The following LCLAT1 variants were observed in gnomAD, a reference collection of about 807,000 sequenced individuals.
LCLAT1 encodes the protein 1-AGP acyltransferase 8.
In LCLAT1, 11 loss-of-function variants were observed where a neutral mutation model predicts 30.7. That is an observed-to-expected ratio of 0.36 (90% CI 0.23 to 0.59). The LOEUF is 0.59. LCLAT1 is among the 20% of genes least tolerant of loss of function. The pLI is 0.77. For synonymous variants in LCLAT1, 155 were observed against 151.3 expected, an observed-to-expected ratio of 1.02 and a Z score of -0.18; for missense variants, 402 against 458.6, an observed-to-expected ratio of 0.88 and a Z score of 1.13.
intron 1 of LCLAT1, among the ~76,000 whole-genome samples, chr2:30,469,870 T>C (rs889402816): frequency 3.3e-5 from 5 of 151,968 alleles, no homozygotes; most frequent in Admixed American, 3.3e-4. Flanking sequence ...TGAGATTACA[T>C]GCATGAGCCA....
intron 5 of LCLAT1, among the ~76,000 whole-genome samples, chr2:30,630,595 A>T (rs994305664): frequency 6.6e-6 from 1 of 152,256 alleles, no homozygotes; most frequent in South Asian, 2.1e-4. Context: ...TAATGCTAAT[A>T]TAAAATTTTA....
intron 1 of LCLAT1, among the ~76,000 whole-genome samples, chr2:30,460,811 G>T (rs1373003390): frequency 1.3e-5 from 2 of 152,122 alleles, no homozygotes; most frequent in Non-Finnish European, 2.9e-5. Flanking sequence ...AGATAGCAGA[G>T]CCCAGTCATC....
At chr2:30,572,966 G>A (rs959196065) in intron 5 of LCLAT1, among the ~76,000 whole-genome samples, 14 of 148,966 alleles carry the variant, frequency 9.4e-5, no homozygotes, top group Admixed American at 6.9e-4. Context: ...ATTGTGGTTC[G>A]ATCGTTTTCT....
chr2:30,485,560 TTTTG>T (rs1683524002), intron 1 of LCLAT1, among the ~76,000 whole-genome samples: 1 of 152,076 alleles, frequency 6.6e-6, no homozygotes, highest in African/African-American at 2.4e-5. Flanking sequence ...TAAGTGTTCT[TTTTG>T]TTTAAGATTT....
chr2:30,504,427 A>G (rs1389143149), intron 1 of LCLAT1, among the ~76,000 whole-genome samples: 1 of 152,172 alleles, frequency 6.6e-6, no homozygotes, highest in African/African-American at 2.4e-5. Context: ...TGGTTTTATT[A>G]GGCTCAGGAT....
At chr2:30,469,076 C>T (rs1350183277) in intron 1 of LCLAT1, among the ~76,000 whole-genome samples, 5 of 152,124 alleles carry the variant, frequency 3.3e-5, no homozygotes, top group African/African-American at 1.2e-4. Flanking sequence ...CTATTCAAGT[C>T]CTTTACTCAT....
Position 30,505,271 on chromosome 2 carries a change from C to G in LCLAT1, c.-4-20316C>G, listed in dbSNP as rs184255974. Among the ~76,000 whole-genome samples the G allele has an allele frequency of 9.9e-4, 150 of 151,798 alleles. 1 individual carries two copies. The Middle Eastern group carries it at 0.028, about 28-fold the overall frequency. ...AAACTGGGTATACCACTTGATACTC[C>G]CTCCAGCTGTGAAGGCAAGGACACC... On this transcript the variant is annotated intron_variant, in intron 1 of 5. Transcript: ENST00000379509.
At chr2:30,624,564 C>G (rs1668415396) in intron 5 of LCLAT1, among the ~76,000 whole-genome samples, 2 of 152,156 alleles carry the variant, frequency 1.3e-5, no homozygotes, top group African/African-American at 4.8e-5. Flanking sequence ...CAACATTAAA[C>G]TATCACAATC....
At chr2:30,539,192 G>A (rs1003613526) in intron 3 of LCLAT1, among the ~76,000 whole-genome samples, 8 of 146,118 alleles carry the variant, frequency 5.5e-5, no homozygotes, top group African/African-American at 1.5e-4. Flanking sequence ...CTCGTGATCC[G>A]CCCGCCTCAG....
intron 1 of LCLAT1, among the ~76,000 whole-genome samples, chr2:30,502,608 A>G (rs531853352): frequency 3.9e-4 from 59 of 152,314 alleles, no homozygotes; most frequent in South Asian, 1.0e-3. Flanking sequence ...TTTCATGTGA[A>G]TGAAATAATA....
chr2:30,504,621 A>T (rs1684567637), intron 1 of LCLAT1, among the ~76,000 whole-genome samples: 1 of 152,300 alleles, frequency 6.6e-6, no homozygotes, highest in South Asian at 2.1e-4. Context: ...TGCTTTGATT[A>T]TGGGATCATG....
At chr2:30,599,344 T>A (rs548173903) in intron 5 of LCLAT1, among the ~76,000 whole-genome samples, 16 of 152,366 alleles carry the variant, frequency 1.1e-4, no homozygotes, top group African/African-American at 3.4e-4. Context: ...GAGACTGTTA[T>A]GATTTCAGTA....
At chr2:30,537,247 G>T (rs899416403) in intron 3 of LCLAT1, among the ~76,000 whole-genome samples, 1 of 152,122 alleles carries the variant, frequency 6.6e-6, no homozygotes, top group African/African-American at 2.4e-5. Context: ...CGGGCGCGGT[G>T]GCGGGCGCCT....
In LCLAT1 at chr2:30,569,770, A is replaced by G. The variant is rs564329482; in HGVS notation, c.628+1594A>G. Among the ~76,000 whole-genome samples the G allele has an allele frequency of 3.9e-4, 60 of 152,344 alleles. No individual in the cohort carries two copies. The South Asian group carries it at 0.012, about 30-fold the overall frequency. ...TCAAAATCACATGGTATGGTAAACC[A>G]AAAATGTTATTCATATTACTTTGGT... On this transcript the variant is annotated intron_variant, in intron 5 of 5. Coordinates refer to ENST00000379509, the MANE Select transcript of LCLAT1 (RefSeq NM_001002257.3).
At chr2:30,455,502 A>G (rs1036698094) in intron 1 of LCLAT1, among the ~76,000 whole-genome samples, 2 of 152,164 alleles carry the variant, frequency 1.3e-5, no homozygotes, top group African/African-American at 4.8e-5. Flanking sequence ...TGCCTCTTCT[A>G]GCTTCTGGTG....
intron 5 of LCLAT1, among the ~76,000 whole-genome samples, chr2:30,579,543 A>G (rs1468810010): frequency 3.9e-5 from 6 of 152,130 alleles, no homozygotes; most frequent in African/African-American, 1.4e-4. Flanking sequence ...CAGAGTAGAA[A>G]ACAGTTGTGG....
chr2:30,550,089 G>T (rs1664613381), intron 3 of LCLAT1, among the ~76,000 whole-genome samples: 1 of 152,136 alleles, frequency 6.6e-6, no homozygotes, highest in Non-Finnish European at 1.5e-5. Context: ...CCTTGATTTT[G>T]AATGGAAAAT....
intron 1 of LCLAT1, among the ~76,000 whole-genome samples, chr2:30,476,013 G>A (rs544793070): frequency 7.2e-5 from 11 of 152,236 alleles, no homozygotes; most frequent in South Asian, 2.1e-4. Context: ...ACCAGTAGTC[G>A]TCAGCCAATA....
chr2:30,457,747 TTTC>T (rs1681905505), intron 1 of LCLAT1, among the ~76,000 whole-genome samples: 1 of 152,228 alleles, frequency 6.6e-6, no homozygotes, highest in African/African-American at 2.4e-5. Context: ...TGTTTGTTTC[TTTC>T]AGTTATCCTT....
Sources: gnomAD v4.1 joint callset for allele counts (sites outside exome capture counted in the v4.1 genomes callset) on GRCh38, gnomAD v4.1.1 for gene constraint, MANE v1.5 for transcripts, NCBI Gene and HGNC (gene_info 2026-07-23, HGNC 2026-07-21) for gene names.